RGS3: variants seen among roughly 807,000 people sequenced by gnomAD.
RGS3 encodes the protein regulator of G protein signaling 3.
RGS3 carries 80 observed loss-of-function variants against 132.6 expected under a neutral mutation model. The observed-to-expected ratio is 0.60, with a 90% CI of 0.50 to 0.73. The LOEUF is 0.73. Ranked by LOEUF, RGS3 falls within the 30% of genes least tolerant of loss-of-function variation. The pLI, the probability that RGS3 is intolerant of heterozygous loss-of-function variation, is 0.00. For synonymous variants in RGS3, 598 were observed against 620.6 expected (o/e 0.96, Z 0.54); for missense variants, 1,382 against 1,530.8 (o/e 0.90, Z 1.62).
At chr9:113,474,858 C>A (rs539474106) in intron 3 of RGS3, among the ~76,000 whole-genome samples, 1 of 152,178 alleles carries the variant, frequency 6.6e-6, no homozygotes, top group African/African-American at 2.4e-5. Flanking sequence ...GGACACATTC[C>A]GGCTGATCCC....
At chr9:113,461,784 T>C (rs745985749) in exon 2 of RGS3, 1 of 1,614,186 alleles carries the variant, frequency 6.2e-7, no homozygotes, top group Non-Finnish European at 8.5e-7. Context: ...TGCAGGTTGC[T>C]CACAGCCTCT....
At chr9:113,522,839 CTGTGGCTCCCCACCTTCTCGGGGAGGT>C (rs1832022353) in intron 16 of RGS3, 64 bp from the exon 15 acceptor site, 1 of 820,778 alleles carries the variant, frequency 1.2e-6, no homozygotes, top group Non-Finnish European at 2.2e-6. Flanking sequence ...TCTGGGGAGG[CTGTGGCTCCCCACCTTCTCGGGGAGGT>C]TGTGGCTCTC....
exon 20 of RGS3, chr9:113,583,518 G>A: frequency 6.2e-7 from 1 of 1,614,220 alleles, no homozygotes. Context: ...CTGGTGCCGA[G>A]GATTCCCCAC....
intron 19 of RGS3, among the ~76,000 whole-genome samples, chr9:113,575,479 G>A (rs7048208): frequency 0.11 from 17,021 of 152,082 alleles, 1,110 homozygotes; most frequent in African/African-American, 0.17. Context: ...TTTAGGGAAC[G>A]TGAATGGGCA....
intron 15 of RGS3, among the ~76,000 whole-genome samples, chr9:113,516,595 G>A (rs1367109680): frequency 6.6e-6 from 1 of 152,110 alleles, no homozygotes; most frequent in East Asian, 1.9e-4. Context: ...CTGACCTCAG[G>A]TGATCCACCC....
chr9:113,463,497 C>T lies in RGS3; in HGVS notation c.415+1296C>T, dbSNP rs1406135186. On this transcript the variant is annotated intron_variant, in intron 3 of 24. Coordinates refer to ENST00000350696, the Ensembl canonical transcript of RGS3. The surrounding 1 kb of genome is among the most constrained non-coding windows in gnomAD (Gnocchi z 4.6). ...GGCATTTCCAACCGGGAGCGCGGTG[C>T]TGGGGCCGGGATACCCGGGGTGGCC... Among the ~76,000 whole-genome samples, 1 of 152,172 alleles carries T rather than the reference C, an allele frequency of 6.6e-6. No individual in the cohort carries two copies. The highest frequency in any genetic ancestry group is 1.5e-5 in the Non-Finnish European group (1 of 68,016).
chr9:113,468,067 T>C (rs1228678808), intron 3 of RGS3, among the ~76,000 whole-genome samples: 1 of 152,230 alleles, frequency 6.6e-6, no homozygotes, highest in African/African-American at 2.4e-5. Flanking sequence ...TTCAATTTAC[T>C]TTATCTTTTG....
At chr9:113,489,147 C>T (rs183736521) in intron 7 of RGS3, among the ~76,000 whole-genome samples, 2 of 152,260 alleles carry the variant, frequency 1.3e-5, no homozygotes, top group South Asian at 2.1e-4. Flanking sequence ...TTATGAAAGC[C>T]GAGGCACTTG....
At chr9:113,474,849 G>A (rs1050757042) in intron 3 of RGS3, among the ~76,000 whole-genome samples, 1 of 152,176 alleles carries the variant, frequency 6.6e-6, no homozygotes, top group African/African-American at 2.4e-5. Flanking sequence ...CTCCCACTGG[G>A]ACACATTCCG....
intron 19 of RGS3, among the ~76,000 whole-genome samples, chr9:113,558,122 G>A (rs1351545951): frequency 6.6e-6 from 1 of 152,166 alleles, no homozygotes; most frequent in Non-Finnish European, 1.5e-5. Flanking sequence ...AGAGAGGTGA[G>A]AGATCCACAG....
At chr9:113,545,737 A>T (rs897039911) in intron 19 of RGS3, among the ~76,000 whole-genome samples, 2 of 152,188 alleles carry the variant, frequency 1.3e-5, no homozygotes, top group Non-Finnish European at 2.9e-5. Flanking sequence ...CACTTACAAG[A>T]TGAGCCAGGC....
At chr9:113,577,075 C>T (rs1361746512) in intron 19 of RGS3, among the ~76,000 whole-genome samples, 1 of 152,178 alleles carries the variant, frequency 6.6e-6, no homozygotes, top group Admixed American at 6.5e-5. Context: ...CCTCCGCTTC[C>T]TGGATTCAAG....
exon 22 of RGS3, chr9:113,594,464 A>G: frequency 1.9e-6 from 3 of 1,613,810 alleles, no homozygotes; most frequent in Non-Finnish European, 2.5e-6. Flanking sequence ...GGGGATCTTC[A>G]GACGGCGGAA....
intron 19 of RGS3, among the ~76,000 whole-genome samples, chr9:113,574,087 TCA>T (rs1016464407): frequency 2.6e-5 from 4 of 152,256 alleles, no homozygotes; most frequent in Non-Finnish European, 5.9e-5. Flanking sequence ...AAAACAACTG[TCA>T]CAGTGTGTGG....
Position 113,591,502 on chromosome 9 carries a change from C to T in RGS3, c.3080+105C>T. On this transcript the variant is annotated intron_variant, in intron 21 of 24. Transcript: ENST00000350696. This position sits in a 1 kb window ranked among gnomAD's most constrained non-coding sequence, Gnocchi z 4.4. ...TGGGGAGAAGAGGTTGTGCCTGGTC[C>T]CGCCCACAACCCCAGACAGACACCA... is the stretch of plus-strand genomic sequence containing the variant. 1.3e-5 allele frequency: 13 copies of T among 969,046 alleles called. No individual in the cohort carries two copies. The highest frequency in any genetic ancestry group is 2.1e-5 in the Non-Finnish European group (13 of 605,292). 60.0% of individuals were successfully genotyped at this position (969,046 alleles called of 1,614,324 possible). A position where few individuals can be genotyped will look rare whatever the true frequency, so the allele number is the denominator to read the frequency against.
At chr9:113,497,670 A>T (rs1830731367) in intron 9 of RGS3, among the ~76,000 whole-genome samples, 1 of 152,068 alleles carries the variant, frequency 6.6e-6, no homozygotes, top group Non-Finnish European at 1.5e-5. Context: ...CTTGTGGGGT[A>T]CTTTATGCTT....
intron 3 of RGS3, among the ~76,000 whole-genome samples, chr9:113,462,503 G>A (rs1298051218): frequency 6.6e-6 from 1 of 152,232 alleles, no homozygotes; most frequent in Non-Finnish European, 1.5e-5. Context: ...TGGGGCAGAT[G>A]TGGAGGCCAA....
At chr9:113,513,336 G>C (rs1831491209) in intron 14 of RGS3, among the ~76,000 whole-genome samples, 1 of 152,216 alleles carries the variant, frequency 6.6e-6, no homozygotes, top group Admixed American at 6.5e-5. Context: ...TCCTTCCTGG[G>C]GGTGGTCTTG....
intron 20 of RGS3, among the ~76,000 whole-genome samples, chr9:113,586,949 A>C (rs1835146466): frequency 6.6e-6 from 1 of 152,234 alleles, no homozygotes. Flanking sequence ...CATAAATGGT[A>C]ATCATGTTAT....
Sources: gnomAD v4.1 joint callset for allele counts (sites outside exome capture counted in the v4.1 genomes callset) on GRCh38, gnomAD v4.1.1 for gene constraint, Gnocchi (gnomAD v3.1) non-coding constraint, MANE v1.5 for transcripts, NCBI Gene and HGNC (gene_info 2026-07-23, HGNC 2026-07-21) for gene names.